Variants in MYPOP observed in about 807,000 individuals in gnomAD.
The protein encoded by MYPOP is myb-related transcription factor, partner of profilin.
In MYPOP, 21 loss-of-function variants were observed where a neutral mutation model predicts 25.7. That is an observed-to-expected ratio of 0.82 (90% confidence interval 0.58 to 1.18). The LOEUF (loss-of-function observed/expected upper bound fraction) is 1.18. MYPOP is among the 50% of genes most tolerant of loss of function. The probability of loss-of-function intolerance (pLI) is 0.00; values close to 1 mark genes in which losing one functional copy is unlikely to be tolerated. For missense variants in MYPOP, 566 were observed against 588.3 expected (o/e 0.96, Z 0.39); for synonymous variants, 280 against 247.9 (o/e 1.13, Z -1.22).
Position 45,901,869 on chromosome 19 carries a change from C to T in MYPOP, c.-52-44G>A. 7 of 1,037,624 alleles carry T rather than the reference C, an allele frequency of 6.7e-6. No individual in the cohort carries two copies. The highest frequency in any genetic ancestry group is 8.6e-6 in the Non-Finnish European group (7 of 810,078). 64.3% of individuals were successfully genotyped at this position (1,037,624 alleles called of 1,614,324 possible). On this transcript the variant is annotated intron_variant, in intron 1 of 2. Transcript: ENST00000322217. This position sits in a 1 kb window ranked among gnomAD's most constrained non-coding sequence, Gnocchi z 5.7. ...CGGGGCTGGCTGGGGTTCGGGGTCC[C>T]CCCGCCGCCGCCTCTCCCAGACCGC... is the stretch of plus-strand genomic sequence containing the variant.
At position 45,901,450 on chromosome 19, in the gene MYPOP, A is replaced by C; in HGVS notation, c.324T>G (p.Ala108=). Residue 108 remains alanine, a synonymous_variant, in exon 2 of 3, where the codon GCT becomes GCG. Transcript: ENST00000322217. This position sits in a 1 kb window ranked among gnomAD's most constrained non-coding sequence, Gnocchi z 5.7. ...TQGAGPAAED[A]FSAEEETIFA... is the part of the protein sequence containing the mutation. ...AAATGGTCTCCTCTTCCGCGGAGAAAGCGTCCTCCGCGGCGGGCCCGGCGC... is the reference window on the plus strand; with the variant it reads ...AAATGGTCTCCTCTTCCGCGGAGAACGCGTCCTCCGCGGCGGGCCCGGCGC... 1.3e-6 allele frequency: 2 copies of C among 1,594,912 alleles called. No homozygotes were observed. The highest frequency in any genetic ancestry group is 1.7e-6 in the Non-Finnish European group (2 of 1,170,638).
chr19:45,890,438 G>C lies in MYPOP; in HGVS notation c.*185C>G. ...GCAGACAGCACTGTACCAGAGAAAG[G>C]GGTTGGGGGGGCCCATTACTGAGGC... On this transcript the variant is annotated 3_prime_UTR_variant, in exon 3 of 3. Coordinates refer to ENST00000322217, the MANE Select transcript of MYPOP (RefSeq NM_001012643.4). 1.1e-6 allele frequency: 1 copy of C among 896,118 alleles called. No individual in the cohort carries two copies. The highest frequency in any genetic ancestry group is 1.6e-6 in the Non-Finnish European group (1 of 621,048). The allele number at this position is 896,118 out of a possible 1,614,324, so 55.5% of individuals were successfully genotyped here. A position where few individuals can be genotyped will look rare whatever the true frequency, so the allele number is the denominator to read the frequency against.
rs988250393 is a variant in MYPOP at position 45,897,926 on chromosome 19, CTTTTT to C, written c.499+3344_499+3348del. ...TCAGTTTCCCTACTTGTTTTCTTTT[CTTTTT>C]TTTTTTTTTTAAGACGGAGTCTCGC... On this transcript the variant is annotated intron_variant, in intron 2 of 2. Transcript: ENST00000322217. 4.3e-5 allele frequency among the ~76,000 whole-genome samples: 6 copies of C among 137,960 alleles called. No individual in the cohort carries two copies. In the South Asian group the frequency reaches 1.4e-3, roughly 32 times the overall value. 90.5% of individuals were successfully genotyped at this position (137,960 alleles called of 152,430 possible).
At position 45,901,879 on chromosome 19, in the gene MYPOP, G is replaced by T; in HGVS notation, c.-52-54C>A. On this transcript the variant is annotated intron_variant, in intron 1 of 2. Coordinates refer to ENST00000322217, the MANE Select transcript of MYPOP (RefSeq NM_001012643.4). This position sits in a 1 kb window ranked among gnomAD's most constrained non-coding sequence, Gnocchi z 5.7. ...TGGGGTTCGGGGTCCCCCCGCCGCC[G>T]CCTCTCCCAGACCGCCGGGCCGAGA... 3 of 951,828 alleles carry T rather than the reference G, an allele frequency of 3.2e-6. No homozygotes were observed. The highest frequency in any genetic ancestry group is 4.1e-6 in the Non-Finnish European group (3 of 732,772). 59.0% of individuals were successfully genotyped at this position (951,828 alleles called of 1,614,324 possible). A position where few individuals can be genotyped will look rare whatever the true frequency, so the allele number is the denominator to read the frequency against.
chr19:45,890,596 T>C lies in MYPOP; in HGVS notation c.*27A>G. ...ACTGCGCCAAGCTGGGGAGAGGGGT[T>C]GCAGGCAGGATCATAGATAGTAGAT... On this transcript the variant is annotated 3_prime_UTR_variant, in exon 3 of 3. Coordinates refer to ENST00000322217, the MANE Select transcript of MYPOP (RefSeq NM_001012643.4). 6.2e-7 allele frequency: 1 copy of C among 1,608,614 alleles called. No homozygotes were observed.
At position 45,901,952 on chromosome 19, in the gene MYPOP, G is replaced by A. The variant is rs1967304852; in HGVS notation, c.-52-127C>T. On this transcript the variant is annotated intron_variant, in intron 1 of 2. Coordinates refer to ENST00000322217, the MANE Select transcript of MYPOP (RefSeq NM_001012643.4). This position sits in a 1 kb window ranked among gnomAD's most constrained non-coding sequence, Gnocchi z 5.7. The stretch of plus-strand genomic sequence containing the variant: ...GAGTGGGGGCGGGGGGCGGGCGGGG[G>A]CGACGGGCACCCGGGTAAGTCGGAA... 6 of 421,792 alleles carry A rather than the reference G, an allele frequency of 1.4e-5. No individual in the cohort carries two copies. The highest frequency in any genetic ancestry group is 4.2e-5 in the African/African-American group (2 of 47,990). 26.1% of individuals were successfully genotyped at this position (421,792 alleles called of 1,614,324 possible). A position where few individuals can be genotyped will look rare whatever the true frequency, so the allele number is the denominator to read the frequency against.
chr19:45,900,983 C>G (rs1967280239), intron 2 of MYPOP, among the ~76,000 whole-genome samples: 1 of 152,188 alleles, frequency 6.6e-6, no homozygotes, highest in Non-Finnish European at 1.5e-5. Context: ...CCCAGGCAGC[C>G]TGCCTCCAGA....
intron 2 of MYPOP, among the ~76,000 whole-genome samples, chr19:45,897,847 C>T (rs1361305269): frequency 6.6e-6 from 1 of 152,074 alleles, no homozygotes; most frequent in Non-Finnish European, 1.5e-5. Context: ...TGCCTCTGTG[C>T]CTGGCTTCCA....
At position 45,901,912 on chromosome 19, in the gene MYPOP, A is replaced by C; in HGVS notation, c.-52-87T>G. 1 of 628,480 alleles carries C rather than the reference A, an allele frequency of 1.6e-6. No homozygotes were observed. Among genetic ancestry groups the C allele is most frequent in the Non-Finnish European group, 2.2e-6 (1 of 445,810 alleles). The allele number at this position is 628,480 out of a possible 1,614,324, so 38.9% of individuals were successfully genotyped here. ...CAGACCGCCGGGCCGAGAGCTCCTT[A>C]GTCCCCGGGGGCAGGAGTGGGGGCG... On this transcript the variant is annotated intron_variant, in intron 1 of 2. Coordinates refer to ENST00000322217, the MANE Select transcript of MYPOP (RefSeq NM_001012643.4). The surrounding 1 kb of genome is among the most constrained non-coding windows in gnomAD (Gnocchi z 5.7).
At position 45,901,564 on chromosome 19, in the gene MYPOP, C is replaced by T; in HGVS notation, c.210G>A (p.Lys70=). Residue 70 remains lysine, a synonymous_variant, in exon 2 of 3, where the codon AAG becomes AAA. Transcript: ENST00000322217. This position sits in a 1 kb window ranked among gnomAD's most constrained non-coding sequence, Gnocchi z 5.7. Reference sequence around the variant, plus strand: ...GCTTCTGCACCTCCTGGCCCGTGCGCTTCCAGCTGGTGATACCGTTGATCT... The same window carrying T: ...GCTTCTGCACCTCCTGGCCCGTGCGTTTCCAGCTGGTGATACCGTTGATCT... The part of the protein sequence containing the change: ...AAKINGITSW[K]RTGQEVQKRW... The T allele has an allele frequency of 6.2e-7, 1 of 1,612,262 alleles. No homozygotes were observed. The highest frequency in any genetic ancestry group is 2.2e-5 in the East Asian group (1 of 44,856).
chr19:45,897,966 CA>C (rs1568644357), intron 2 of MYPOP, among the ~76,000 whole-genome samples: 2 of 151,286 alleles, frequency 1.3e-5, no homozygotes, highest in Non-Finnish European at 2.9e-5. Context: ...CTCTGTCACC[CA>C]GGCTGGAGTG....
chr19:45,893,977 G>A (rs1285733007), intron 2 of MYPOP, among the ~76,000 whole-genome samples: 2 of 150,340 alleles, frequency 1.3e-5, no homozygotes, highest in African/African-American at 2.4e-5. Flanking sequence ...TTTTAGTAGA[G>A]ACGGGGTTTC....
chr19:45,894,019 G>A (rs1967165473), intron 2 of MYPOP, among the ~76,000 whole-genome samples: 1 of 151,386 alleles, frequency 6.6e-6, no homozygotes, highest in Non-Finnish European at 1.5e-5. Flanking sequence ...TCGATCTCCT[G>A]ACCTCGTGAT....
rs141540157 is a variant in MYPOP at position 45,901,579 on chromosome 19, A to G, written c.195T>C (p.Gly65=). The G allele has an allele frequency of 1.9e-6, 3 of 1,611,846 alleles. No homozygotes were observed. The African/African-American group carries it at 4.0e-5, about 22-fold the overall frequency. ...VWDGIAAKIN[G]ITSWKRTGQE... is the part of the protein sequence containing the mutation. ...GGCCCGTGCGCTTCCAGCTGGTGATACCGTTGATCTTGGCGGCGATGCCGT... is the reference window on the plus strand; with the variant it reads ...GGCCCGTGCGCTTCCAGCTGGTGATGCCGTTGATCTTGGCGGCGATGCCGT... The change falls in exon 2 of 3, where the codon GGT becomes GGC. Residue 65 remains glycine (G), a synonymous_variant. Transcript: ENST00000322217. The surrounding 1 kb of genome is among the most constrained non-coding windows in gnomAD (Gnocchi z 5.7).
At chr19:45,895,820 C>T (rs920979861) in intron 2 of MYPOP, among the ~76,000 whole-genome samples, 6 of 152,240 alleles carry the variant, frequency 3.9e-5, no homozygotes, top group East Asian at 1.9e-4. Context: ...ACATGTCGTT[C>T]CCTGGGCCAG....
rs1967294417 is a variant in MYPOP, at chr19:45,901,559, G to A, written c.215C>T (p.Thr72Met). 6.2e-7 allele frequency: 1 copy of A among 1,612,166 alleles called. No individual in the cohort carries two copies. The highest frequency in any genetic ancestry group is 8.5e-7 in the Non-Finnish European group (1 of 1,179,642). ...KINGITSWKRTGQEVQKRWND... is the reference protein window; with the variant it reads ...KINGITSWKRMGQEVQKRWND... ...CCAGCGCTTCTGCACCTCCTGGCCC[G>A]TGCGCTTCCAGCTGGTGATACCGTT... Residue 72 changes from threonine to methionine, a missense_variant, in exon 2 of 3, where the codon ACG becomes ATG. Transcript: ENST00000322217. This position sits in a 1 kb window ranked among gnomAD's most constrained non-coding sequence, Gnocchi z 5.7.
At position 45,898,010 on chromosome 19, in the gene MYPOP, A is replaced by G. The variant is rs1296690083; in HGVS notation, c.499+3265T>C. On this transcript the variant is annotated intron_variant, in intron 2 of 2. Coordinates refer to ENST00000322217, the MANE Select transcript of MYPOP (RefSeq NM_001012643.4). ...ACAATCTCGACTCACTGCAACCTCC[A>G]CCTCCCAGGTTCAAGTGATTCTCCA... is the stretch of plus-strand genomic sequence containing the variant. Among the ~76,000 whole-genome samples the G allele has an allele frequency of 3.4e-5, 5 of 145,724 alleles. No homozygotes were observed. In the Admixed American group the frequency reaches 3.4e-4, roughly 10 times the overall value.
intron 2 of MYPOP, among the ~76,000 whole-genome samples, chr19:45,899,056 A>G (rs1053171936): frequency 2.0e-5 from 3 of 152,050 alleles, no homozygotes; most frequent in Non-Finnish European, 2.9e-5. Context: ...GAGAAACCCC[A>G]TCTCTACTAA....
intron 2 of MYPOP, among the ~76,000 whole-genome samples, chr19:45,900,059 TTGGG>T (rs1449345727): frequency 6.6e-6 from 1 of 152,224 alleles, no homozygotes; most frequent in African/African-American, 2.4e-5. Flanking sequence ...CTGTGTGACC[TTGGG>T]TGGGTGAATG....
Sources: gnomAD v4.1 joint callset for allele counts (sites outside exome capture counted in the v4.1 genomes callset) on GRCh38, gnomAD v4.1.1 for gene constraint, Gnocchi (gnomAD v3.1) non-coding constraint, MANE v1.5 for transcripts, NCBI Gene and HGNC (gene_info 2026-07-23, HGNC 2026-07-21) for gene names.